HP1BP3: variants seen among roughly 807,000 people sequenced by gnomAD.
HP1BP3 encodes the protein heterochromatin protein 1 binding protein 3.
HP1BP3 carries 12 observed loss-of-function variants against 62.5 expected under a neutral mutation model. The ratio of observed to expected loss-of-function variants is 0.19; its 90% CI spans 0.12 to 0.31. The LOEUF (loss-of-function observed/expected upper bound fraction) is 0.31, where lower values mean the gene tolerates loss of function less well. HP1BP3 is among the 10% of genes least tolerant of loss of function. HP1BP3 has a pLI of 1.00. For missense variants in HP1BP3, 502 were observed against 651.8 expected (o/e 0.77, Z 2.50); for synonymous variants, 260 against 237.8 (o/e 1.09, Z -0.86).
At position 20,776,213 on chromosome 1, in the gene HP1BP3, C is replaced by CCA. The variant is rs1570662409; in HGVS notation, c.350+382_350+383dup. The CCA allele has an allele frequency of 6.5e-6, 3 of 462,672 alleles. No homozygotes were observed. The East Asian group carries it at 1.0e-4, about 16-fold the overall frequency. The allele number at this position is 462,672 out of a possible 1,614,324, so 28.7% of individuals were successfully genotyped here. On this transcript the variant is annotated intron_variant, in intron 4 of 12. Coordinates refer to ENST00000438032, the MANE Select transcript of HP1BP3 (RefSeq NM_001372052.1). ...TCTAACATAAGCACACAAAAACAACCCACTCCTGGCACAGAAGTAGGAATA... is the reference window on the plus strand; with the variant it reads ...TCTAACATAAGCACACAAAAACAACCCACACTCCTGGCACAGAAGTAGGAATA...
At chr1:20,777,244 G>A (rs2057342546) in intron 3 of HP1BP3, among the ~76,000 whole-genome samples, 1 of 151,074 alleles carries the variant, frequency 6.6e-6, no homozygotes, top group Admixed American at 6.6e-5. Flanking sequence ...CAGAACCCCA[G>A]GCACTGGTTA....
chr1:20,768,851 A>G lies in HP1BP3; in HGVS notation c.655-1187T>C, dbSNP rs148082561. On this transcript the variant is annotated intron_variant, in intron 6 of 12. Coordinates refer to ENST00000438032, the MANE Select transcript of HP1BP3 (RefSeq NM_001372052.1). ...TCAAAAAAAAAGTTGATTCACAATAACTAAAGTCCTCCACAGCTTAGTTTT... is the reference window on the plus strand; with the variant it reads ...TCAAAAAAAAAGTTGATTCACAATAGCTAAAGTCCTCCACAGCTTAGTTTT... 1.7e-3 allele frequency among the ~76,000 whole-genome samples: 254 copies of G among 152,302 alleles called. 1 individual carries two copies. Among genetic ancestry groups the G allele is most frequent in the African/African-American group, 5.3e-3 (219 of 41,560 alleles).
At chr1:20,757,123 C>CT (rs776273747) in intron 9 of HP1BP3, 43 bp downstream of exon 9, 38 of 1,386,260 alleles carry the variant, frequency 2.7e-5, no homozygotes, top group African/African-American at 4.4e-5. Flanking sequence ...AAACCAAAAA[C>CT]TTTAAGAAGC....
intron 10 of HP1BP3, among the ~76,000 whole-genome samples, chr1:20,749,375 T>G (rs79500933): frequency 6.6e-6 from 1 of 151,586 alleles, no homozygotes; most frequent in African/African-American, 2.4e-5. Flanking sequence ...TCTTTTTTTT[T>G]GATACATAGT....
chr1:20,746,154 A>C (rs1313096631), intron 11 of HP1BP3, among the ~76,000 whole-genome samples: 1 of 151,670 alleles, frequency 6.6e-6, no homozygotes, highest in Non-Finnish European at 1.5e-5. Context: ...CCTTTGATTA[A>C]CATATCCTTA....
intron 6 of HP1BP3, 124 bp from the exon 7 acceptor site, chr1:20,767,788 AAAAC>A (rs1417444947): frequency 9.6e-6 from 6 of 627,862 alleles, no homozygotes; most frequent in Middle Eastern, 4.2e-4. Flanking sequence ...GAAAAAAAAA[AAAAC>A]AGTCAATGCA....
chr1:20,776,554 C>A, intron 4 of HP1BP3, 43 bp downstream of exon 4: 1 of 1,543,358 alleles, frequency 6.5e-7, no homozygotes, highest in Non-Finnish European at 8.9e-7. Context: ...AGTCCTTTTA[C>A]ACATTCTTCA....
chr1:20,782,386 C>G (rs1011631152), intron 1 of HP1BP3, among the ~76,000 whole-genome samples: 1 of 151,422 alleles, frequency 6.6e-6, no homozygotes, highest in African/African-American at 2.4e-5. Flanking sequence ...GAGTTCAAGA[C>G]CAGCCTGGGC....
At chr1:20,781,380 G>C (rs2057538413) in intron 1 of HP1BP3, among the ~76,000 whole-genome samples, 1 of 152,152 alleles carries the variant, frequency 6.6e-6, no homozygotes, top group Non-Finnish European at 1.5e-5. Flanking sequence ...CCTTGTCTAA[G>C]AATTGAAGAG....
chr1:20,771,722 T>TA (rs1473452152), intron 5 of HP1BP3, among the ~76,000 whole-genome samples: 2 of 152,194 alleles, frequency 1.3e-5, no homozygotes, highest in African/African-American at 2.4e-5. Context: ...AGCAAATACT[T>TA]AATTTTTTTC....
chr1:20,755,506 TG>T, intron 9 of HP1BP3: 1 of 351,840 alleles, frequency 2.8e-6, no homozygotes, highest in African/African-American at 2.1e-5. Context: ...GCCAGGGAGG[TG>T]GAGGTTGCAG....
rs993449189 is a variant in HP1BP3, at chr1:20,768,289, A to T, written c.655-625T>A. 4.5e-4 allele frequency among the ~76,000 whole-genome samples: 68 copies of T among 152,262 alleles called. 1 individual carries two copies. Among genetic ancestry groups the T allele is most frequent in the African/African-American group, 1.6e-3 (68 of 41,546 alleles). Reference sequence around the variant, plus strand: ...GTGAAACCCCGTCTCTACTAAAAATACAAAAAATTAGCCGGGCGTGGTGGC... The same window carrying T: ...GTGAAACCCCGTCTCTACTAAAAATTCAAAAAATTAGCCGGGCGTGGTGGC... On this transcript the variant is annotated intron_variant, in intron 6 of 12. Coordinates refer to ENST00000438032, the MANE Select transcript of HP1BP3 (RefSeq NM_001372052.1).
intron 6 of HP1BP3, among the ~76,000 whole-genome samples, chr1:20,768,482 A>G (rs1323718307): frequency 6.6e-6 from 1 of 152,082 alleles, no homozygotes; most frequent in African/African-American, 2.4e-5. Flanking sequence ...CACTGCACAC[A>G]ATGGTATGTT....
At chr1:20,754,734 G>A (rs1390212777) in intron 9 of HP1BP3, among the ~76,000 whole-genome samples, 2 of 152,136 alleles carry the variant, frequency 1.3e-5, no homozygotes, top group African/African-American at 4.8e-5. Flanking sequence ...GGAAGGGACA[G>A]TCTTTTCAAT....
intron 6 of HP1BP3, among the ~76,000 whole-genome samples, chr1:20,768,827 C>A (rs76854317): frequency 6.6e-6 from 1 of 150,678 alleles, no homozygotes; most frequent in East Asian, 1.9e-4. Flanking sequence ...GACTCCATCT[C>A]AAAAAAAAAG....
intron 6 of HP1BP3, among the ~76,000 whole-genome samples, chr1:20,769,181 T>C (rs1388224934): frequency 6.6e-6 from 1 of 152,194 alleles, no homozygotes; most frequent in African/African-American, 2.4e-5. Flanking sequence ...TGTTAGCTCA[T>C]AGCTCAACTC....
intron 10 of HP1BP3, among the ~76,000 whole-genome samples, 173 bp from the exon 11 acceptor site, chr1:20,747,828 T>A (rs1317107489): frequency 6.6e-6 from 1 of 152,202 alleles, no homozygotes; most frequent in Non-Finnish European, 1.5e-5. Context: ...TTATTGCCCA[T>A]AAGTTTGGCA....
intron 10 of HP1BP3, among the ~76,000 whole-genome samples, chr1:20,748,156 C>G (rs928979326): frequency 1.3e-5 from 2 of 151,770 alleles, no homozygotes; most frequent in African/African-American, 4.8e-5. Flanking sequence ...ACATAAACAG[C>G]AGACCTAAAA....
chr1:20,785,888 T>C, intron 1 of HP1BP3, among the ~76,000 whole-genome samples: 1 of 152,182 alleles, frequency 6.6e-6, no homozygotes, highest in Non-Finnish European at 1.5e-5. Flanking sequence ...TAAACAAAAT[T>C]AGAGCACCTT....
Sources: allele counts gnomAD v4.1 joint callset (sites outside exome capture counted in the v4.1 genomes callset), GRCh38; gene constraint gnomAD v4.1.1; transcripts MANE v1.5; gene names NCBI Gene and HGNC (gene_info 2026-07-23, HGNC 2026-07-21).